The following LRBA variants were observed in gnomAD, a reference collection of about 807,000 sequenced individuals.
The protein encoded by LRBA is lipopolysaccharide-responsive and beige-like anchor protein.
Under a neutral mutation model 330.0 loss-of-function variants are expected in LRBA, and 176 were observed. The observed-to-expected ratio is 0.53, with a 90% CI of 0.47 to 0.60. The LOEUF is 0.60. Ranked by LOEUF, LRBA falls within the 20% of genes least tolerant of loss-of-function variation. LRBA has a pLI of 0.00. For missense variants in LRBA, 3,259 were observed against 3,444.8 expected, an observed-to-expected ratio of 0.95 and a Z score of 1.35; for synonymous variants, 1,230 against 1,193.0, an observed-to-expected ratio of 1.03 and a Z score of -0.64.
intron 2 of LRBA, among the ~76,000 whole-genome samples, chr4:150,968,817 T>C (rs547473593): frequency 2.0e-5 from 3 of 152,332 alleles, no homozygotes; most frequent in African/African-American, 7.2e-5. Context: ...CTTTCCTAGA[T>C]ACAGATATGA....
intron 37 of LRBA, among the ~76,000 whole-genome samples, chr4:150,654,928 T>G (rs1780041283): frequency 2.6e-5 from 4 of 152,206 alleles, no homozygotes; most frequent in Admixed American, 2.6e-4. Flanking sequence ...CACATTTTCT[T>G]AATCCAGTCT....
chr4:150,554,030 TAAACCTTGCCAAAACTAGTGAG>T (rs1766967562), intron 40 of LRBA, among the ~76,000 whole-genome samples: 1 of 152,176 alleles, frequency 6.6e-6, no homozygotes, highest in Admixed American at 6.5e-5. Flanking sequence ...TGTCTAGTGA[TAAACCTTGCCAAAACTAGTGAG>T]AAACCTTGCT....
At chr4:150,599,222 T>C (rs1773852754) in intron 37 of LRBA, 91 bp from the exon 38 acceptor site, 14 of 1,418,744 alleles carry the variant, frequency 9.9e-6, no homozygotes, top group Non-Finnish European at 1.3e-5. Flanking sequence ...TTGTTTGCTC[T>C]GCCTTTTTTT....
intron 35 of LRBA, among the ~76,000 whole-genome samples, chr4:150,759,966 C>T (rs1734852805): frequency 6.6e-6 from 1 of 152,120 alleles, no homozygotes; most frequent in Admixed American, 6.6e-5. Flanking sequence ...AGGGTAGTTA[C>T]ACTTAGTAAA....
intron 47 of LRBA, among the ~76,000 whole-genome samples, chr4:150,363,629 T>C (rs1739030046): frequency 6.6e-6 from 1 of 152,242 alleles, no homozygotes. Flanking sequence ...CACAAAATAT[T>C]TGTAGAATGA....
rs1179962218 is a variant in LRBA at position 150,583,825 on chromosome 4, G to T, written c.6330+4223C>A. 6.2e-7 allele frequency: 1 copy of T among 1,614,072 alleles called. No individual in the cohort carries two copies. The highest frequency in any genetic ancestry group is 8.5e-7 in the Non-Finnish European group (1 of 1,180,042). On this transcript the variant is annotated intron_variant, in intron 40 of 56. Coordinates refer to ENST00000651943, the MANE Select transcript of LRBA (RefSeq NM_001364905.1). The surrounding 1 kb of genome is among the most constrained non-coding windows in gnomAD (Gnocchi z 9.8). Reference sequence around the variant, plus strand: ...GCGGGACCGCCACCTGGAGCTACCCGGCCAGCCGCTCAACAACTACCACAT... The same window carrying T: ...GCGGGACCGCCACCTGGAGCTACCCTGCCAGCCGCTCAACAACTACCACAT...
At chr4:150,737,983 CT>C (rs774453122) in intron 35 of LRBA, among the ~76,000 whole-genome samples, 5,268 of 112,130 alleles carry the variant, frequency 0.047, 163 homozygotes, top group African/African-American at 0.14. Flanking sequence ...TTCTCTGAAT[CT>C]TTTTTTTTTT....
At chr4:150,809,079 T>C (rs969130445) in intron 31 of LRBA, among the ~76,000 whole-genome samples, 2 of 152,188 alleles carry the variant, frequency 1.3e-5, no homozygotes, top group African/African-American at 2.4e-5. Context: ...GAGAAAGTTA[T>C]TGGAGCCAGT....
At chr4:150,388,456 T>G (rs1269667650) in intron 47 of LRBA, among the ~76,000 whole-genome samples, 1 of 152,186 alleles carries the variant, frequency 6.6e-6, no homozygotes, top group Non-Finnish European at 1.5e-5. Context: ...CAGTTCAAAG[T>G]CTCATCTAAA....
In LRBA at chr4:150,563,633, C is replaced by A. The variant is rs561329134; in HGVS notation, c.6330+24415G>T. ...ACGACATGATTGTATATGTAGAAAA[C>A]CCCATCATATCAGCCCAAAAACTCC... On this transcript the variant is annotated intron_variant, in intron 40 of 56. Transcript: ENST00000651943. Among the ~76,000 whole-genome samples the A allele has an allele frequency of 1.5e-4, 23 of 152,200 alleles. No individual in the cohort carries two copies. The South Asian group carries it at 4.1e-3, about 27-fold the overall frequency.
intron 44 of LRBA, among the ~76,000 whole-genome samples, chr4:150,467,459 A>G (rs1474615738): frequency 6.6e-6 from 1 of 152,146 alleles, no homozygotes; most frequent in Admixed American, 6.6e-5. Flanking sequence ...TAATGAATCC[A>G]TGCACTGAAT....
At chr4:150,746,229 A>G (rs572629770) in intron 35 of LRBA, among the ~76,000 whole-genome samples, 29 of 152,352 alleles carry the variant, frequency 1.9e-4, no homozygotes, top group Middle Eastern at 3.4e-3. Context: ...AAGTCATACT[A>G]TAATACTTGT....
chr4:150,761,031 C>T (rs559120150), intron 35 of LRBA, among the ~76,000 whole-genome samples: 2 of 152,186 alleles, frequency 1.3e-5, no homozygotes, highest in South Asian at 2.1e-4. Flanking sequence ...AAACACTAAT[C>T]GAACATTGCT....
chr4:150,430,487 A>C (rs1011733664), intron 46 of LRBA, among the ~76,000 whole-genome samples: 6 of 152,112 alleles, frequency 3.9e-5, no homozygotes, highest in Non-Finnish European at 8.8e-5. Context: ...CCATGAGCCC[A>C]AGGGGCATGA....
At chr4:150,952,856 A>T (rs1330025425) in intron 2 of LRBA, among the ~76,000 whole-genome samples, 1 of 152,040 alleles carries the variant, frequency 6.6e-6, no homozygotes, top group Non-Finnish European at 1.5e-5. Flanking sequence ...TCCCAGTCTT[A>T]ATGCATTCAT....
intron 22 of LRBA, among the ~76,000 whole-genome samples, chr4:150,856,016 G>A (rs1006356351): frequency 6.6e-6 from 1 of 152,146 alleles, no homozygotes; most frequent in Non-Finnish European, 1.5e-5. Flanking sequence ...CAAGAGAACT[G>A]GAGAACCTAT....
At chr4:150,818,587 CGTAT>C (rs1169532598) in intron 30 of LRBA, among the ~76,000 whole-genome samples, 5 of 134,604 alleles carry the variant, frequency 3.7e-5, no homozygotes, top group Admixed American at 7.4e-5. Context: ...TGTGTGTGTA[CGTAT>C]GTATTAGTGG....
At chr4:150,571,451 C>T (rs1483559828) in intron 40 of LRBA, among the ~76,000 whole-genome samples, 1 of 151,918 alleles carries the variant, frequency 6.6e-6, no homozygotes, top group Admixed American at 6.6e-5. Flanking sequence ...TAAAACTTCC[C>T]TAAATATTAA....
At chr4:150,421,179 G>GTATATATAATAC (rs1748731879) in intron 46 of LRBA, among the ~76,000 whole-genome samples, 1 of 125,352 alleles carries the variant, frequency 8.0e-6, no homozygotes, top group Non-Finnish European at 1.6e-5. Flanking sequence ...ATAATACATA[G>GTATATATAATAC]ATAATATATA....
Sources: gnomAD v4.1 joint callset for allele counts (sites outside exome capture counted in the v4.1 genomes callset) on GRCh38, gnomAD v4.1.1 for gene constraint, Gnocchi (gnomAD v3.1) non-coding constraint, MANE v1.5 for transcripts, NCBI Gene and HGNC (gene_info 2026-07-23, HGNC 2026-07-21) for gene names.